Variants in DOCK4 observed in about 807,000 individuals in gnomAD.
DOCK4 encodes the protein dedicator of cytokinesis protein 4.
DOCK4 carries 97 observed loss-of-function variants against 268.1 expected under a neutral mutation model. The ratio of observed to expected loss-of-function variants is 0.36; its 90% CI spans 0.31 to 0.43. The LOEUF (loss-of-function observed/expected upper bound fraction) is 0.43. Among genes scored for constraint, DOCK4 ranks in the 20% least tolerant of loss-of-function variants. DOCK4 has a pLI of 1.00. For missense variants in DOCK4, 2,145 were observed against 2,455.7 expected (o/e 0.87, Z 2.67); for synonymous variants, 954 against 887.2 (o/e 1.08, Z -1.34).
chr7:112,181,191 G>A (rs903692769), intron 1 of DOCK4, among the ~76,000 whole-genome samples: 9 of 152,160 alleles, frequency 5.9e-5, no homozygotes, highest in African/African-American at 2.2e-4. Flanking sequence ...AGCCTTTTGA[G>A]AAGATAATTT....
intron 6 of DOCK4, among the ~76,000 whole-genome samples, chr7:111,986,454 A>G (rs1799060673): frequency 6.6e-6 from 1 of 152,202 alleles, no homozygotes; most frequent in Non-Finnish European, 1.5e-5. Context: ...ATTCCTAGGT[A>G]CATCTTCCCA....
intron 1 of DOCK4, among the ~76,000 whole-genome samples, chr7:112,048,327 T>C (rs1337231553): frequency 6.9e-6 from 1 of 145,856 alleles, no homozygotes; most frequent in African/African-American, 2.6e-5. Context: ...GTGGACTACC[T>C]GAGCTCAGGA....
chr7:111,787,109 T>C (rs1799225337), intron 32 of DOCK4, among the ~76,000 whole-genome samples: 1 of 152,208 alleles, frequency 6.6e-6, no homozygotes, highest in Non-Finnish European at 1.5e-5. Context: ...TATTTATACA[T>C]GAGCAACTGA....
chr7:111,999,632 T>C lies in DOCK4; in HGVS notation c.162+862A>G, dbSNP rs553360863. 3.9e-5 allele frequency among the ~76,000 whole-genome samples: 6 copies of C among 152,122 alleles called. No homozygotes were observed. In the East Asian group the frequency reaches 1.2e-3, roughly 29 times the overall value. On this transcript the variant is annotated intron_variant, in intron 3 of 52. Coordinates refer to ENST00000428084, the MANE Select transcript of DOCK4 (RefSeq NM_001363540.2). ...TATATACTCTTTTGTCCCTTACCGT[T>C]CCCCTTTAGGATGACCTAAAATACA...
intron 1 of DOCK4, among the ~76,000 whole-genome samples, chr7:112,018,154 A>C (rs976127182): frequency 1.5e-5 from 2 of 131,514 alleles, no homozygotes; most frequent in African/African-American, 6.0e-5. Context: ...AAAAAAAAAA[A>C]AAAAAAAAAA....
At chr7:111,774,108 A>C (rs2133703144) in intron 36 of DOCK4, among the ~76,000 whole-genome samples, 1 of 152,290 alleles carries the variant, frequency 6.6e-6, no homozygotes, top group East Asian at 1.9e-4. Context: ...ATGCATGTAC[A>C]TACACAATAT....
chr7:111,790,817 T>C (rs1345478012), intron 30 of DOCK4, among the ~76,000 whole-genome samples: 8 of 151,870 alleles, frequency 5.3e-5, no homozygotes, highest in Admixed American at 3.3e-4. Context: ...CCCAGCACTT[T>C]GGGAGGCTGA....
chr7:111,747,412 T>G lies in DOCK4; in HGVS notation c.4448A>C (p.Glu1483Ala). 6.2e-7 allele frequency: 1 copy of G among 1,608,052 alleles called. No homozygotes were observed. The highest frequency in any genetic ancestry group is 1.3e-5 in the African/African-American group (1 of 75,000). ...VEMSPLENAIEVLENKNQQLK... is the reference protein window; with the variant it reads ...VEMSPLENAIAVLENKNQQLK... ...CTGCTGATTCTTATTTTCTAGCACT[T>G]CAATTGCATTTTCCAGAGGACTCAT... The change falls in exon 43 of 53, where the codon GAA becomes GCA. Residue 1483 changes from glutamate to alanine, a missense_variant. Physicochemically the swap from Glu to Ala is moderately radical, Grantham distance 107. Coordinates refer to ENST00000428084, the MANE Select transcript of DOCK4 (RefSeq NM_001363540.2).
rs770995787 is a variant in DOCK4 at position 111,728,598 on chromosome 7, C to A, written c.5604G>T (p.Thr1868=). The A allele has an allele frequency of 6.2e-7, 1 of 1,614,044 alleles. No individual in the cohort carries two copies. Residue 1868 remains threonine, a synonymous_variant, in exon 53 of 53, where the codon ACG becomes ACT. Transcript: ENST00000428084. ...SGISSLSRCS[T]SETSGFENQV... ...GATTTTCAAAGCCTGAGGTTTCCGA[C>A]GTGCTGCACCGGCTGAGAGAAGAAA... is the stretch of plus-strand genomic sequence containing the variant.
At chr7:111,783,089 A>C (rs185331624) in intron 34 of DOCK4, among the ~76,000 whole-genome samples, 165 bp from the exon 35 acceptor site, 9 of 152,222 alleles carry the variant, frequency 5.9e-5, no homozygotes, top group African/African-American at 1.9e-4. Flanking sequence ...GTTCATTTAG[A>C]TACATGTTCC....
intron 1 of DOCK4, among the ~76,000 whole-genome samples, chr7:112,130,428 C>A (rs972499731): frequency 1.4e-4 from 22 of 152,318 alleles, no homozygotes; most frequent in African/African-American, 4.1e-4. Flanking sequence ...CTCTTCCTCA[C>A]ATGAATGTCT....
chr7:111,962,341 C>A (rs991593478), intron 8 of DOCK4, among the ~76,000 whole-genome samples: 1 of 152,118 alleles, frequency 6.6e-6, no homozygotes, highest in Non-Finnish European at 1.5e-5. Context: ...GATTTACTGA[C>A]CAATTATCAG....
chr7:111,987,412 A>G (rs556416629), intron 6 of DOCK4, among the ~76,000 whole-genome samples: 19 of 152,286 alleles, frequency 1.2e-4, no homozygotes, highest in African/African-American at 4.6e-4. Flanking sequence ...CCTATTTACA[A>G]ACTAGTCCTT....
Position 112,004,101 on chromosome 7 carries a change from T to G in DOCK4, c.68A>C (p.Tyr23Ser). Residue 23 changes from tyrosine to serine, a missense_variant, in exon 2 of 53, where the codon TAT (tyrosine) becomes TCT (serine). This residue lies in a region of DOCK4 where 1,598 missense variants were observed against 1,986.7 expected (regional missense o/e 0.80). Transcript: ENST00000428084. ...VIASFRGTVP[Y>S]GLSLEIGDTV... is the part of the protein sequence containing the mutation. ...ATCTCCAATTTCCAATGACAGGCCATATGGAACGGTTCCTCGGAAACTGGC... is the reference window on the plus strand; with the variant it reads ...ATCTCCAATTTCCAATGACAGGCCAGATGGAACGGTTCCTCGGAAACTGGC... The G allele has an allele frequency of 6.2e-7, 1 of 1,600,056 alleles. No homozygotes were observed. The highest frequency in any genetic ancestry group is 8.5e-7 in the Non-Finnish European group (1 of 1,172,980).
At chr7:111,935,931 C>T (rs142405127) in intron 11 of DOCK4, among the ~76,000 whole-genome samples, 3 of 152,236 alleles carry the variant, frequency 2.0e-5, no homozygotes, top group South Asian at 2.1e-4. Context: ...GGGAAGGCAG[C>T]CCCAACTGAG....
intron 23 of DOCK4, among the ~76,000 whole-genome samples, chr7:111,851,364 G>A (rs1804533158): frequency 6.8e-6 from 1 of 147,454 alleles, no homozygotes; most frequent in Admixed American, 6.9e-5. Flanking sequence ...AGAATCGCTT[G>A]AACCTGGGAG....
At chr7:111,835,794 A>C (rs1346282972) in intron 25 of DOCK4, among the ~76,000 whole-genome samples, 1 of 152,130 alleles carries the variant, frequency 6.6e-6, no homozygotes, top group African/African-American at 2.4e-5. Context: ...GGGTGAGGAA[A>C]ATTCAATGTA....
At position 112,016,951 on chromosome 7, in the gene DOCK4, G is replaced by A. The variant is rs566703477; in HGVS notation, c.38-12820C>T. Among the ~76,000 whole-genome samples, 322 of 152,186 alleles carry A rather than the reference G, an allele frequency of 2.1e-3. 2 individuals carry two copies. The highest frequency in any genetic ancestry group is 2.6e-3 in the Non-Finnish European group (178 of 67,998). On this transcript the variant is annotated intron_variant, in intron 1 of 52. Transcript: ENST00000428084. ...TTTGGTTAAAAGATTGCTTTTGAGC[G>A]ATTTCAGCCAACATTTTCAAGGAAA...
intron 1 of DOCK4, among the ~76,000 whole-genome samples, chr7:112,117,288 G>A (rs189341501): frequency 1.4e-4 from 22 of 152,310 alleles, no homozygotes; most frequent in Middle Eastern, 6.8e-3. Context: ...CATATTTATC[G>A]TAGTATTTGT....
Sources: gnomAD v4.1 joint callset for allele counts (sites outside exome capture counted in the v4.1 genomes callset) on GRCh38, gnomAD v4.1.1 for gene constraint, gnomAD v4.1.1 regional missense constraint, MANE v1.5 for transcripts, NCBI Gene and HGNC (gene_info 2026-07-23, HGNC 2026-07-21) for gene names.